MGAT4C: variants seen among roughly 807,000 people sequenced by gnomAD.
MGAT4C encodes the protein alpha-1,3-mannosyl-glycoprotein 4-beta-N-acetylglucosaminyltransferase C.
A neutral mutation model predicts 40.1 loss-of-function variants in MGAT4C; 19 were observed. The observed-to-expected ratio is 0.47, with a 90% CI of 0.33 to 0.70. MGAT4C has a LOEUF of 0.70. Ranked by LOEUF, MGAT4C falls within the 30% of genes least tolerant of loss-of-function variation. The pLI is 0.02. For synonymous variants in MGAT4C, 181 were observed against 187.1 expected, an observed-to-expected ratio of 0.97 and a Z score of 0.27; for missense variants, 491 against 563.2, an observed-to-expected ratio of 0.87 and a Z score of 1.30.
intron 4 of MGAT4C, among the ~76,000 whole-genome samples, chr12:86,333,143 C>A (rs1320860864): frequency 6.6e-6 from 1 of 152,066 alleles, no homozygotes; most frequent in Admixed American, 6.6e-5. Flanking sequence ...GAATAGGATT[C>A]CTTCTAAGTC....
intron 1 of MGAT4C, among the ~76,000 whole-genome samples, chr12:86,115,098 G>A (rs953489629): frequency 4.6e-5 from 7 of 151,752 alleles, no homozygotes; most frequent in African/African-American, 2.4e-5. Flanking sequence ...CTGGCATTTC[G>A]GTACCATTTC....
chr12:86,666,175 A>T (rs752340290), intron 2 of MGAT4C, among the ~76,000 whole-genome samples: 31 of 152,172 alleles, frequency 2.0e-4, no homozygotes, highest in Non-Finnish European at 4.1e-4. Context: ...TTTGCAGACA[A>T]TGTCACAAAG....
chr12:86,543,402 G>A (rs1368101741), intron 2 of MGAT4C, among the ~76,000 whole-genome samples: 1 of 151,612 alleles, frequency 6.6e-6, no homozygotes. Context: ...GTCTCTGACA[G>A]TAAAAATATA....
chr12:86,002,194 G>C lies in MGAT4C; in HGVS notation c.-6-12642C>G, dbSNP rs371318390. 9 of 151,878 alleles carry C rather than the reference G, an allele frequency of 5.9e-5. No individual in the cohort carries two copies. In the East Asian group the frequency reaches 1.6e-3, roughly 26 times the overall value. 9.4% of individuals were successfully genotyped at this position (151,878 alleles called of 1,614,324 possible). On this transcript the variant is annotated intron_variant, in intron 2 of 4. Transcript: ENST00000611864. ...CATCATAACTTTCAAGGGACTCTAG[G>C]ACCCCAAAAGCAATTGTCTGAGGTT...
chr12:86,258,175 T>A (rs1482423949), upstream of MGAT4C, among the ~76,000 whole-genome samples: 1 of 152,020 alleles, frequency 6.6e-6, no homozygotes, highest in East Asian at 1.9e-4. Flanking sequence ...TGTTGCAAAT[T>A]AACTTGATTT....
intron 2 of MGAT4C, among the ~76,000 whole-genome samples, chr12:86,709,498 T>G (rs114944376): frequency 0.031 from 4,745 of 152,264 alleles, 121 homozygotes; most frequent in African/African-American, 0.074. Flanking sequence ...ATCTTGAAAT[T>G]TATATACCTA....
chr12:86,277,982 G>C (rs916918297), intron 4 of MGAT4C, among the ~76,000 whole-genome samples: 1 of 152,032 alleles, frequency 6.6e-6, no homozygotes, highest in African/African-American at 2.4e-5. Flanking sequence ...AGATTGCTTT[G>C]AGTAGTATGG....
intron 2 of MGAT4C, among the ~76,000 whole-genome samples, chr12:86,022,143 C>A (rs746693495): frequency 6.6e-6 from 1 of 152,180 alleles, no homozygotes; most frequent in African/African-American, 2.4e-5. Flanking sequence ...GTACCAGATA[C>A]CTGTGCTATG....
At chr12:86,541,996 A>T (rs1959170321) in intron 2 of MGAT4C, among the ~76,000 whole-genome samples, 1 of 152,218 alleles carries the variant, frequency 6.6e-6, no homozygotes, top group Non-Finnish European at 1.5e-5. Flanking sequence ...TTCTTTAACA[A>T]AAACATGACA....
intron 4 of MGAT4C, among the ~76,000 whole-genome samples, chr12:86,301,527 A>G (rs974658707): frequency 2.0e-5 from 3 of 152,156 alleles, no homozygotes; most frequent in Non-Finnish European, 4.4e-5. Flanking sequence ...CTGCTTTTAC[A>G]TTTGTGTTCT....
intron 1 of MGAT4C, among the ~76,000 whole-genome samples, chr12:86,179,526 T>A (rs931551689): frequency 6.6e-6 from 1 of 152,176 alleles, no homozygotes; most frequent in African/African-American, 2.4e-5. Context: ...ACTTGTTGAA[T>A]GGCTTTGACA....
chr12:86,228,989 C>T (rs910112033), intron 1 of MGAT4C, among the ~76,000 whole-genome samples: 1 of 151,708 alleles, frequency 6.6e-6, no homozygotes, highest in Non-Finnish European at 1.5e-5. Flanking sequence ...GAAATGTGTG[C>T]AGATTTGGAA....
chr12:86,023,011 T>C (rs1174620532), intron 2 of MGAT4C, among the ~76,000 whole-genome samples: 2 of 152,136 alleles, frequency 1.3e-5, no homozygotes, highest in East Asian at 1.9e-4. Context: ...TTCTATATTA[T>C]AAAGTTGTTG....
At position 86,627,595 on chromosome 12, in the gene MGAT4C, C is replaced by A. The variant is rs142650869; in HGVS notation, c.-229+99614G>T. Among the ~76,000 whole-genome samples the A allele has an allele frequency of 8.5e-3, 1,294 of 152,266 alleles. 7 individuals carry two copies. The highest frequency in any genetic ancestry group is 0.014 in the Non-Finnish European group (952 of 68,030). On this transcript the variant is annotated intron_variant, in intron 2 of 7. Coordinates refer to the MGAT4C transcript ENST00000548651. ...GCAGCCTCTGCTGGTGATACCCAGG[C>A]AAACAGCATCTGGAGTGGAGCTCCA...
At chr12:86,154,356 G>A (rs1432554698) in intron 1 of MGAT4C, among the ~76,000 whole-genome samples, 1 of 152,112 alleles carries the variant, frequency 6.6e-6, no homozygotes, top group African/African-American at 2.4e-5. Context: ...AGCCTCTGAC[G>A]GTGAGGCATT....
intron 1 of MGAT4C, among the ~76,000 whole-genome samples, chr12:86,094,251 T>A (rs1432264215): frequency 6.6e-6 from 1 of 152,080 alleles, no homozygotes; most frequent in African/African-American, 2.4e-5. Context: ...TTGAAGATAT[T>A]GGCCAAAAAA....
chr12:86,777,235 G>A (rs950033927), intron 1 of MGAT4C, among the ~76,000 whole-genome samples: 9 of 152,092 alleles, frequency 5.9e-5, no homozygotes, highest in South Asian at 2.1e-4. Context: ...ATTGTGGAAT[G>A]GCTATTAAAT....
At chr12:86,618,385 T>C (rs1593048901) in intron 2 of MGAT4C, among the ~76,000 whole-genome samples, 1 of 152,152 alleles carries the variant, frequency 6.6e-6, no homozygotes, top group African/African-American at 2.4e-5. Flanking sequence ...CCTCCATGTT[T>C]ATTGCCACAC....
intron 3 of MGAT4C, among the ~76,000 whole-genome samples, chr12:86,427,113 A>ACAGAT: frequency 6.6e-6 from 1 of 152,158 alleles, no homozygotes. Context: ...TTGGGATACT[A>ACAGAT]TTGTTATAGC....
Sources: gnomAD v4.1 joint callset for allele counts (sites outside exome capture counted in the v4.1 genomes callset) on GRCh38, gnomAD v4.1.1 for gene constraint, MANE v1.5 for transcripts, NCBI Gene and HGNC (gene_info 2026-07-23, HGNC 2026-07-21) for gene names.